Variants in HIVEP1 observed in about 807,000 individuals in gnomAD.
The protein encoded by HIVEP1 is zinc finger protein 40.
A neutral mutation model predicts 180.0 loss-of-function variants in HIVEP1; 36 were observed. The observed-to-expected ratio is 0.20, with a 90% CI of 0.15 to 0.26. The LOEUF is 0.26. Among genes scored for constraint, HIVEP1 ranks in the 10% least tolerant of loss-of-function variants. The pLI is 1.00. For synonymous variants in HIVEP1, 1,239 were observed against 1,239.0 expected (o/e 1.00, Z 0.00); for missense variants, 3,143 against 3,268.7 (o/e 0.96, Z 0.94).
intron 7 of HIVEP1, among the ~76,000 whole-genome samples, chr6:12,142,824 A>C (rs552447129): frequency 5.9e-5 from 9 of 152,240 alleles, no homozygotes; most frequent in Non-Finnish European, 8.8e-5. Flanking sequence ...CCCTCCCAAG[A>C]CTAAACCAGG....
chr6:12,075,757 A>C (rs970638709), intron 2 of HIVEP1, among the ~76,000 whole-genome samples: 6 of 152,174 alleles, frequency 3.9e-5, no homozygotes, highest in Admixed American at 6.5e-5. Flanking sequence ...CATTGCTTTA[A>C]AGCTAACCTT....
At chr6:12,180,286 G>C in the HIVEP1 span, among the ~76,000 whole-genome samples, 9,446 of 152,018 alleles carry the variant, frequency 0.062, 373 homozygotes, top group Non-Finnish European at 0.08. Flanking sequence ...CTAACTACAG[G>C]CCCATTATTT....
rs1283935729 is a variant in HIVEP1, at chr6:12,120,669, C to T, written c.874C>T (p.Pro292Ser). 1.2e-6 allele frequency: 2 copies of T among 1,614,044 alleles called. No individual in the cohort carries two copies. Among genetic ancestry groups the T allele is most frequent in the Admixed American group, 3.3e-5 (2 of 60,010 alleles). Reference sequence around the variant, plus strand: ...GTATCATCAACATGAACACTTTGTTCCCAAATCCAACCAACATAATCAACA... The same window carrying T: ...GTATCATCAACATGAACACTTTGTTTCCAAATCCAACCAACATAATCAACA... ...HLYHQHEHFV[P>S]KSNQHNQQLP... The change falls in exon 4 of 9, where the codon CCC becomes TCC. Residue 292 changes from proline (P) to serine (S), a missense_variant. By Grantham distance (74) the Pro-to-Ser change is moderately conservative (BLOSUM62 -1). Around this residue, in one of 12 missense-constraint regions of HIVEP1, gnomAD observed 306 missense variants for 310.6 expected, o/e 0.99. Coordinates refer to ENST00000379388, the MANE Select transcript of HIVEP1 (RefSeq NM_002114.4).
At chr6:12,100,428 A>G (rs1774051323) in intron 3 of HIVEP1, among the ~76,000 whole-genome samples, 1 of 152,224 alleles carries the variant, frequency 6.6e-6, no homozygotes, top group Non-Finnish European at 1.5e-5. Flanking sequence ...AGTGGTCCAC[A>G]GCACACATTG....
At chr6:12,103,448 G>A (rs1774228537) in intron 3 of HIVEP1, among the ~76,000 whole-genome samples, 1 of 152,116 alleles carries the variant, frequency 6.6e-6, no homozygotes, top group Non-Finnish European at 1.5e-5. Flanking sequence ...GGACATATGT[G>A]AACAGTGATG....
intron 2 of HIVEP1, among the ~76,000 whole-genome samples, chr6:12,034,595 C>G (rs1040239988): frequency 6.6e-6 from 1 of 152,206 alleles, no homozygotes; most frequent in Admixed American, 6.5e-5. Flanking sequence ...TGAAAACTGT[C>G]AGGAGAGACT....
chr6:12,172,300 G>T, the HIVEP1 span, among the ~76,000 whole-genome samples: 1 of 152,106 alleles, frequency 6.6e-6, no homozygotes, highest in African/African-American at 2.4e-5. Context: ...CTGAACAACT[G>T]TTCTTTTGAG....
chr6:12,038,103 A>G (rs558986332), intron 2 of HIVEP1: 14 of 223,924 alleles, frequency 6.3e-5, no homozygotes, highest in African/African-American at 2.7e-4. Context: ...ATACCGTGCA[A>G]ATTCAGTATG....
chr6:12,098,176 A>G (rs1773884200), intron 3 of HIVEP1, among the ~76,000 whole-genome samples: 1 of 152,220 alleles, frequency 6.6e-6, no homozygotes, highest in Admixed American at 6.5e-5. Flanking sequence ...TCCTGATTTT[A>G]GAGGGATTAA....
chr6:12,183,845 A>G, the HIVEP1 span, among the ~76,000 whole-genome samples: 2 of 152,224 alleles, frequency 1.3e-5, no homozygotes, highest in Non-Finnish European at 2.9e-5. Context: ...GTATTTGCCC[A>G]TGTGAAGTTA....
At chr6:12,012,623 G>GGGGCGGA (rs1491379057) in intron 1 of HIVEP1, 57 bp downstream of exon 1, 12 of 18,976 alleles carry the variant, frequency 6.3e-4, no homozygotes, top group African/African-American at 3.9e-3. Context: ...GCGGGGCGGA[G>GGGGCGGA]GGGGGGGGGG....
intron 2 of HIVEP1, among the ~76,000 whole-genome samples, chr6:12,071,739 G>A (rs1265445842): frequency 6.6e-6 from 1 of 152,062 alleles, no homozygotes; most frequent in Non-Finnish European, 1.5e-5. Flanking sequence ...AGTGTTTTAA[G>A]GCTTTTCAGA....
At chr6:12,186,216 T>G in the HIVEP1 span, among the ~76,000 whole-genome samples, 1 of 151,544 alleles carries the variant, frequency 6.6e-6, no homozygotes, top group Non-Finnish European at 1.5e-5. Context: ...AGCAAGTAAG[T>G]AGAATGATTA....
chr6:12,194,506 C>T, the HIVEP1 span, among the ~76,000 whole-genome samples: 1 of 152,100 alleles, frequency 6.6e-6, no homozygotes, highest in Admixed American at 6.6e-5. Context: ...GAGCCTACCA[C>T]AAAGGACAAA....
Position 12,125,648 on chromosome 6 carries a change from G to A in HIVEP1, c.5853G>A (p.Lys1951=), listed in dbSNP as rs1458483754. Reference sequence around the variant, plus strand: ...CATGGTGTTATCTCTTAAGGCAGAAGTCGTTGCATTTGCCTCAGAAGGACC... The same window carrying A: ...CATGGTGTTATCTCTTAAGGCAGAAATCGTTGCATTTGCCTCAGAAGGACC... ...NFTWCYLLRQ[K]SLHLPQKDQK... is the part of the protein sequence containing the mutation. Residue 1951 remains lysine (K), a synonymous_variant, in exon 4 of 9, where the codon AAG becomes AAA. Coordinates refer to ENST00000379388, the MANE Select transcript of HIVEP1 (RefSeq NM_002114.4). The A allele has an allele frequency of 1.9e-6, 3 of 1,614,196 alleles. No individual in the cohort carries two copies. Among genetic ancestry groups the A allele is most frequent in the South Asian group, 2.2e-5 (2 of 91,082 alleles).
chr6:12,123,265 C>T lies in HIVEP1; in HGVS notation c.3470C>T (p.Ala1157Val). ...SFDKPEPFER[A>V]SPVSFQELNR... ...GACAAGCCTGAGCCTTTTGAAAGAG[C>T]CTCCCCAGTTTCTTTCCAGGAGCTG... The change falls in exon 4 of 9, where the codon GCC (alanine) becomes GTC (valine). Residue 1157 changes from alanine to valine, a missense_variant. Around this residue, in one of 12 missense-constraint regions of HIVEP1, gnomAD observed 1,357 missense variants for 1,260.5 expected, o/e 1.08. Transcript: ENST00000379388. 2 of 1,614,158 alleles carry T rather than the reference C, an allele frequency of 1.2e-6. No individual in the cohort carries two copies. Among genetic ancestry groups the T allele is most frequent in the Non-Finnish European group, 1.7e-6 (2 of 1,180,028 alleles).
the HIVEP1 span, among the ~76,000 whole-genome samples, chr6:12,195,446 T>C: frequency 1.3e-5 from 2 of 151,718 alleles, no homozygotes; most frequent in Non-Finnish European, 2.9e-5. Flanking sequence ...GCAGGCAAGA[T>C]GTCAGCGGTT....
the HIVEP1 span, among the ~76,000 whole-genome samples, chr6:12,199,731 G>T: frequency 6.6e-6 from 1 of 152,188 alleles, no homozygotes; most frequent in African/African-American, 2.4e-5. Flanking sequence ...AGGTATTTGA[G>T]TGGAATATAT....
the HIVEP1 span, among the ~76,000 whole-genome samples, chr6:12,204,232 A>G: frequency 1.2e-4 from 19 of 152,198 alleles, no homozygotes; most frequent in Non-Finnish European, 2.4e-4. Flanking sequence ...GTAATATTGC[A>G]CTGTCTATCA....
Sources: gnomAD v4.1 joint callset for allele counts (sites outside exome capture counted in the v4.1 genomes callset) on GRCh38, gnomAD v4.1.1 for gene constraint, gnomAD v4.1.1 regional missense constraint, MANE v1.5 for transcripts, NCBI Gene and HGNC (gene_info 2026-07-23, HGNC 2026-07-21) for gene names.